SUPT3H: variants seen among roughly 807,000 people sequenced by gnomAD.
SUPT3H encodes the protein SPT3 homolog, SAGA and STAGA complex component, also known as transcription initiation protein SPT3 homolog.
SUPT3H carries 44 observed loss-of-function variants against 44.3 expected under a neutral mutation model. The observed-to-expected ratio is 0.99, with a 90% CI of 0.78 to 1.28. The LOEUF (loss-of-function observed/expected upper bound fraction) is 1.28, where lower values mean the gene tolerates loss of function less well. Ranked by LOEUF, SUPT3H falls within the 50% of genes most tolerant of loss-of-function variation. SUPT3H has a pLI of 0.00. For synonymous variants in SUPT3H, 124 were observed against 125.6 expected (o/e 0.99, Z 0.09); for missense variants, 380 against 387.1 (o/e 0.98, Z 0.15).
chr6:44,950,497 A>C (rs974623947), intron 9 of SUPT3H, among the ~76,000 whole-genome samples: 1 of 152,208 alleles, frequency 6.6e-6, no homozygotes, highest in African/African-American at 2.4e-5. Flanking sequence ...CTGTAGTCCC[A>C]GCTACATGGA....
chr6:45,214,998 T>A (rs754315152), intron 2 of SUPT3H, among the ~76,000 whole-genome samples: 3 of 152,070 alleles, frequency 2.0e-5, no homozygotes, highest in African/African-American at 7.2e-5. Context: ...CCGTGGCTCC[T>A]ACTCCCAGGA....
In SUPT3H at chr6:44,828,396, T is replaced by C. The variant is rs572338786; in HGVS notation, c.*1420A>G. On this transcript the variant is annotated 3_prime_UTR_variant, in exon 11 of 11. Transcript: ENST00000371459. ...CAAATTTTTTCTAAAAAGATTAACA[T>C]AGAGCAGGTAAATGACAGTTAACAA... 4.6e-5 allele frequency among the ~76,000 whole-genome samples: 7 copies of C among 152,140 alleles called. No homozygotes were observed. The highest frequency in any genetic ancestry group is 1.4e-4 in the African/African-American group (6 of 41,444).
chr6:45,025,881 T>G lies in SUPT3H; in HGVS notation c.187-5249A>C, dbSNP rs558848401. Among the ~76,000 whole-genome samples, 24 of 57,926 alleles carry G rather than the reference T, an allele frequency of 4.1e-4. No homozygotes were observed. In the South Asian group the frequency reaches 0.015, roughly 36 times the overall value. The allele number at this position is 57,926 out of a possible 152,430, so 38.0% of individuals were successfully genotyped here. ...CTGGATGACAGAGCGAGACTCCGTC[T>G]CAAAAAAAAAAAAAAAAAATGTACA... On this transcript the variant is annotated intron_variant, in intron 3 of 10. Coordinates refer to ENST00000371459, the MANE Select transcript of SUPT3H (RefSeq NM_003599.4).
At chr6:45,110,052 C>T (rs72869133) in intron 2 of SUPT3H, among the ~76,000 whole-genome samples, 285 of 152,322 alleles carry the variant, frequency 1.9e-3, no homozygotes, top group Non-Finnish European at 3.6e-3. Context: ...GCAGCAGTCT[C>T]GTTGCTATAA....
chr6:45,112,049 T>C (rs1800149044), intron 2 of SUPT3H, among the ~76,000 whole-genome samples: 1 of 152,194 alleles, frequency 6.6e-6, no homozygotes, highest in Non-Finnish European at 1.5e-5. Flanking sequence ...AATGAGCAGG[T>C]AACTTCTCCT....
intron 2 of SUPT3H, among the ~76,000 whole-genome samples, chr6:45,232,891 A>G (rs914028465): frequency 6.6e-6 from 1 of 152,228 alleles, no homozygotes; most frequent in Middle Eastern, 3.4e-3. Flanking sequence ...CGCCTGCCCC[A>G]GCCTCCAGGA....
At chr6:45,266,434 A>C (rs1165228686) in intron 2 of SUPT3H, among the ~76,000 whole-genome samples, 4 of 151,976 alleles carry the variant, frequency 2.6e-5, no homozygotes, top group Non-Finnish European at 4.4e-5. Flanking sequence ...ACCATGGAAA[A>C]CTCAGTTGAT....
intron 2 of SUPT3H, among the ~76,000 whole-genome samples, chr6:45,336,727 A>G (rs975241468): frequency 1.2e-4 from 18 of 151,434 alleles, no homozygotes; most frequent in African/African-American, 4.1e-4. Flanking sequence ...TTTACTTACA[A>G]AGTAAATACA....
chr6:45,370,392 A>G (rs1327894423), intron 1 of SUPT3H, among the ~76,000 whole-genome samples: 1 of 152,190 alleles, frequency 6.6e-6, no homozygotes, highest in Admixed American at 6.5e-5. Context: ...TGGGAAGGAA[A>G]AAAAAAACAG....
chr6:45,280,220 G>A (rs960430641), intron 2 of SUPT3H, among the ~76,000 whole-genome samples: 4 of 152,098 alleles, frequency 2.6e-5, no homozygotes, highest in Non-Finnish European at 5.9e-5. Flanking sequence ...TTTAGGTATA[G>A]GCCAGGTGTC....
intron 2 of SUPT3H, among the ~76,000 whole-genome samples, chr6:45,248,174 T>C (rs867176917): frequency 9.2e-5 from 14 of 152,274 alleles, no homozygotes; most frequent in African/African-American, 3.4e-4. Flanking sequence ...TTGTGACATT[T>C]GTTTATGTAC....
chr6:45,206,181 TTAG>T (rs1196331848), intron 2 of SUPT3H, among the ~76,000 whole-genome samples: 7 of 152,076 alleles, frequency 4.6e-5, no homozygotes, highest in Non-Finnish European at 1.0e-4. Context: ...AGAACATGTG[TTAG>T]TAAGGAAGAA....
At chr6:45,198,814 G>C (rs972563862) in intron 2 of SUPT3H, among the ~76,000 whole-genome samples, 3 of 151,028 alleles carry the variant, frequency 2.0e-5, no homozygotes, top group African/African-American at 7.3e-5. Flanking sequence ...TCATGAAATA[G>C]CTACCTATTA....
At chr6:45,050,278 A>AGAGTGTGTGTGTGTGT (rs1554221019) in intron 3 of SUPT3H, among the ~76,000 whole-genome samples, 23 of 147,420 alleles carry the variant, frequency 1.6e-4, no homozygotes, top group South Asian at 4.4e-4. Flanking sequence ...CTTTTTCTGC[A>AGAGTGTGTGTGTGTGT]GTGTGTGTGT....
At chr6:45,265,446 G>C (rs954957052) in intron 2 of SUPT3H, among the ~76,000 whole-genome samples, 1 of 152,078 alleles carries the variant, frequency 6.6e-6, no homozygotes, top group African/African-American at 2.4e-5. Flanking sequence ...CATGAGTCTA[G>C]TCCGGCTAGG....
chr6:45,219,028 A>T (rs1765554262), intron 2 of SUPT3H, among the ~76,000 whole-genome samples: 1 of 152,190 alleles, frequency 6.6e-6, no homozygotes, highest in Non-Finnish European at 1.5e-5. Context: ...AAGAAGTTAC[A>T]AAGAAAGTCT....
downstream of SUPT3H, among the ~76,000 whole-genome samples, chr6:44,809,113 T>TA (rs746639939): frequency 2.6e-5 from 4 of 152,208 alleles, no homozygotes; most frequent in Non-Finnish European, 4.4e-5. Flanking sequence ...TCTTCTTACT[T>TA]AAAAAACAGA....
intron 2 of SUPT3H, among the ~76,000 whole-genome samples, chr6:45,270,014 T>C (rs1395064045): frequency 6.6e-6 from 1 of 152,192 alleles, no homozygotes; most frequent in Non-Finnish European, 1.5e-5. Flanking sequence ...TTCTAGATAT[T>C]ACAAATAAGT....
At chr6:45,236,277 G>A (rs78984894) in intron 2 of SUPT3H, among the ~76,000 whole-genome samples, 9 of 152,202 alleles carry the variant, frequency 5.9e-5, no homozygotes, top group East Asian at 5.8e-4. Flanking sequence ...TCGAAAGGTC[G>A]CCGGGGCAAT....
Sources: gnomAD v4.1 joint callset for allele counts (sites outside exome capture counted in the v4.1 genomes callset) on GRCh38, gnomAD v4.1.1 for gene constraint, MANE v1.5 for transcripts, NCBI Gene and HGNC (gene_info 2026-07-23, HGNC 2026-07-21) for gene names.